Variants in LIMA1 observed in about 807,000 individuals in gnomAD.
The protein encoded by LIMA1 is LIM domain and actin-binding protein 1.
In LIMA1, 52 loss-of-function variants were observed where a neutral mutation model predicts 62.6. The observed-to-expected ratio is 0.83, with a 90% CI of 0.67 to 1.05. LIMA1 has a LOEUF of 1.05. Among genes scored for constraint, LIMA1 ranks in the 50% least tolerant of loss-of-function variants. LIMA1 has a pLI of 0.00. For synonymous variants in LIMA1, 302 were observed against 317.8 expected (o/e 0.95, Z 0.53); for missense variants, 780 against 902.2 (o/e 0.86, Z 1.74).
Position 50,181,911 on chromosome 12 carries a change from T to C in LIMA1, c.1267A>G (p.Lys423Glu), listed in dbSNP as rs747973365. ...TGTTTTGGGCTGACTTACCTGAGTT[T>C]GTTGTTGCAATAGGAGCAACGGAAG... Reference protein sequence around the residue: ...SCFRCSYCNNKLSLGTYASLH... With the variant: ...SCFRCSYCNNELSLGTYASLH... The change falls in exon 10 of 11, where the codon AAA becomes GAA. Residue 423 changes from lysine (K) to glutamate (E), a missense_variant. By Grantham distance (56) the Lys-to-Glu change is moderately conservative. Coordinates refer to ENST00000341247, the MANE Select transcript of LIMA1 (RefSeq NM_016357.5). The C allele has an allele frequency of 6.2e-7, 1 of 1,613,996 alleles. No homozygotes were observed. The highest frequency in any genetic ancestry group is 8.5e-7 in the Non-Finnish European group (1 of 1,180,022).
Position 50,207,856 on chromosome 12 carries a change from C to G in LIMA1, c.631-1788G>C, listed in dbSNP as rs1453949113. Among the ~76,000 whole-genome samples, 5 of 149,210 alleles carry G rather than the reference C, an allele frequency of 3.4e-5. No individual in the cohort carries two copies. The East Asian group carries it at 9.9e-4, about 29-fold the overall frequency. ...AGGGAGCAGAGATCGCTCCACTGCA[C>G]TCCAGCCTGAGAAACAGAGTGAGAC... On this transcript the variant is annotated intron_variant, in intron 4 of 10. Transcript: ENST00000341247.
chr12:50,269,748 G>C (rs1440385754), intron 1 of LIMA1, among the ~76,000 whole-genome samples: 1 of 151,058 alleles, frequency 6.6e-6, no homozygotes, highest in Non-Finnish European at 1.5e-5. Flanking sequence ...GAGAAACCCC[G>C]TCTCTACTAA....
At chr12:50,234,331 C>T (rs538872248) in intron 2 of LIMA1, 9 of 299,502 alleles carry the variant, frequency 3.0e-5, no homozygotes, top group South Asian at 2.7e-4. Flanking sequence ...CCCTCGGCCT[C>T]CCAAGTAGCT....
intron 2 of LIMA1, among the ~76,000 whole-genome samples, chr12:50,245,183 G>C (rs1316101906): frequency 2.0e-5 from 3 of 152,120 alleles, no homozygotes; most frequent in Non-Finnish European, 4.4e-5. Context: ...GGGAGGCTGA[G>C]GCAGGAGGAT....
At chr12:50,275,496 GACA>G (rs1430531843) in intron 1 of LIMA1, among the ~76,000 whole-genome samples, 2 of 152,134 alleles carry the variant, frequency 1.3e-5, no homozygotes, top group Admixed American at 6.5e-5. Context: ...TATAAATAGT[GACA>G]ACATTAAGTA....
intron 4 of LIMA1, among the ~76,000 whole-genome samples, chr12:50,211,563 T>G (rs903765605): frequency 1.3e-5 from 2 of 151,894 alleles, no homozygotes; most frequent in Admixed American, 6.6e-5. Flanking sequence ...GTGGGATGAT[T>G]GAGTCCAGGA....
chr12:50,192,762 T>C (rs947924620), intron 8 of LIMA1, among the ~76,000 whole-genome samples: 3 of 152,208 alleles, frequency 2.0e-5, no homozygotes, highest in African/African-American at 7.2e-5. Context: ...AGAAATCAGG[T>C]TCTCAGTGAG....
At chr12:50,269,462 G>T (rs1476081790) in intron 1 of LIMA1, among the ~76,000 whole-genome samples, 2 of 152,058 alleles carry the variant, frequency 1.3e-5, no homozygotes, top group Admixed American at 6.6e-5. Flanking sequence ...ATATTTCAGG[G>T]TCAGCTTATT....
At chr12:50,208,091 T>C (rs566451504) in intron 4 of LIMA1, among the ~76,000 whole-genome samples, 2 of 152,228 alleles carry the variant, frequency 1.3e-5, no homozygotes, top group East Asian at 3.9e-4. Flanking sequence ...CTCAAGCTTA[T>C]AATCCTAGCA....
At chr12:50,209,582 A>AG (rs1246615704) in intron 4 of LIMA1, among the ~76,000 whole-genome samples, 3 of 125,588 alleles carry the variant, frequency 2.4e-5, no homozygotes, top group African/African-American at 1.0e-4. Context: ...AAAAAAAAAA[A>AG]AAAAAGAAAA....
intron 9 of LIMA1, among the ~76,000 whole-genome samples, chr12:50,191,746 C>T (rs902103250): frequency 1.3e-5 from 2 of 152,094 alleles, no homozygotes; most frequent in Admixed American, 6.6e-5. Flanking sequence ...GGCGTGAACC[C>T]GGGAGGCGGA....
chr12:50,236,929 A>G (rs1380922364), intron 2 of LIMA1, among the ~76,000 whole-genome samples: 1 of 152,068 alleles, frequency 6.6e-6, no homozygotes, highest in Non-Finnish European at 1.5e-5. Context: ...AAACAAATAA[A>G]CAAACAAAAA....
chr12:50,257,452 G>A (rs1256463941), intron 1 of LIMA1, among the ~76,000 whole-genome samples: 1 of 152,114 alleles, frequency 6.6e-6, no homozygotes, highest in East Asian at 1.9e-4. Flanking sequence ...CTGACAAATT[G>A]CATCTGCCAC....
Position 50,229,377 on chromosome 12 carries a change from T to C in LIMA1, c.165+2288A>G, listed in dbSNP as rs138501122. Among the ~76,000 whole-genome samples the C allele has an allele frequency of 5.9e-5, 9 of 152,218 alleles. No individual in the cohort carries two copies. The East Asian group carries it at 1.7e-3, about 29-fold the overall frequency. On this transcript the variant is annotated intron_variant, in intron 3 of 10. Transcript: ENST00000341247. ...CTCTTCAGCCATAAAAAAGGATGAG[T>C]TCATGTCCTTTGCAGGGACATGGAT...
At chr12:50,244,175 T>G (rs975582775) in intron 2 of LIMA1, among the ~76,000 whole-genome samples, 7 of 151,788 alleles carry the variant, frequency 4.6e-5, no homozygotes, top group Non-Finnish European at 8.8e-5. Context: ...CTCGGCTCAC[T>G]GCAACCTCCG....
chr12:50,261,042 A>ATATATT (rs1383547189), intron 1 of LIMA1, among the ~76,000 whole-genome samples: 1 of 54,290 alleles, frequency 1.8e-5, no homozygotes, highest in African/African-American at 7.2e-5. Flanking sequence ...CATCTAGTAT[A>ATATATT]TTTTTTTTTT....
intron 1 of LIMA1, among the ~76,000 whole-genome samples, chr12:50,252,557 G>T (rs1202214686): frequency 6.8e-6 from 1 of 147,898 alleles, no homozygotes; most frequent in Non-Finnish European, 1.5e-5. Context: ...CTCCAGCCTG[G>T]GTGACAAGAG....
intron 1 of LIMA1, among the ~76,000 whole-genome samples, chr12:50,256,928 C>G (rs764679177): frequency 7.9e-5 from 12 of 152,168 alleles, no homozygotes; most frequent in African/African-American, 2.9e-4. Flanking sequence ...TCAGAGGGTA[C>G]GTGATGTTGA....
chr12:50,217,839 C>T (rs1464797001), intron 4 of LIMA1: 1 of 220,518 alleles, frequency 4.5e-6, no homozygotes, highest in African/African-American at 2.3e-5. Context: ...AGGACGCTCA[C>T]TTCAGAAATA....
Sources: allele counts gnomAD v4.1 joint callset (sites outside exome capture counted in the v4.1 genomes callset), GRCh38; gene constraint gnomAD v4.1.1; transcripts MANE v1.5; gene names NCBI Gene and HGNC (gene_info 2026-07-23, HGNC 2026-07-21).